SLX9: variants seen among roughly 807,000 people sequenced by gnomAD.
The protein encoded by SLX9 is SLX9 ribosome biogenesis factor, also known as ribosome biogenesis protein SLX9 homolog.
Under a neutral mutation model 20.8 loss-of-function variants are expected in SLX9, and 19 were observed. That is an observed-to-expected ratio of 0.91 (90% confidence interval 0.64 to 1.34). SLX9 has a LOEUF of 1.34. Ranked by LOEUF, SLX9 falls within the 40% of genes most tolerant of loss-of-function variation. The pLI, the probability that SLX9 is intolerant of heterozygous loss-of-function variation, is 0.00. For synonymous variants in SLX9, 113 were observed against 137.1 expected (o/e 0.82, Z 1.23); for missense variants, 299 against 322.2 (o/e 0.93, Z 0.55).
At chr21:44,968,137 G>A (rs1252087179) in intron 4 of SLX9, among the ~76,000 whole-genome samples, 1 of 151,958 alleles carries the variant, frequency 6.6e-6, no homozygotes, top group African/African-American at 2.4e-5. Context: ...CCGAGCATGA[G>A]CCCTCCTCCT....
chr21:44,972,403 C>T (rs747149182), intron 4 of SLX9, among the ~76,000 whole-genome samples: 11 of 152,108 alleles, frequency 7.2e-5, no homozygotes, highest in East Asian at 5.8e-4. Context: ...CTGGGGTGGA[C>T]GTCAGAGATG....
chr21:44,957,731 G>A (rs1225662136), intron 2 of SLX9, among the ~76,000 whole-genome samples: 1 of 152,236 alleles, frequency 6.6e-6, no homozygotes, highest in Non-Finnish European at 1.5e-5. Flanking sequence ...GTCTTGGGGG[G>A]GTCCTGTCTC....
intron 2 of SLX9, among the ~76,000 whole-genome samples, chr21:44,955,028 A>G (rs2084829219): frequency 6.6e-6 from 1 of 152,016 alleles, no homozygotes; most frequent in Non-Finnish European, 1.5e-5. Context: ...AGGCTGGCCA[A>G]CATCATGAAA....
chr21:44,976,217 G>A (rs911605883), intron 5 of SLX9, among the ~76,000 whole-genome samples: 2 of 152,366 alleles, frequency 1.3e-5, no homozygotes, highest in East Asian at 1.9e-4. Context: ...CTGGGTCGTC[G>A]CCGTGGCACC....
chr21:44,970,166 G>C (rs1239985743), intron 4 of SLX9, among the ~76,000 whole-genome samples: 5 of 152,202 alleles, frequency 3.3e-5, no homozygotes, highest in Admixed American at 3.3e-4. Flanking sequence ...GGTGGGGGTT[G>C]TGCTCTACCT....
chr21:44,976,391 G>A (rs939876338), intron 5 of SLX9, among the ~76,000 whole-genome samples: 5 of 152,208 alleles, frequency 3.3e-5, no homozygotes, highest in African/African-American at 9.6e-5. Context: ...TTGCCGCCGC[G>A]TTTCTCAGCC....
chr21:44,971,576 G>A (rs2085150435), intron 4 of SLX9, among the ~76,000 whole-genome samples: 1 of 152,206 alleles, frequency 6.6e-6, no homozygotes, highest in Admixed American at 6.5e-5. Flanking sequence ...ATCTCTTAAA[G>A]TGAGGGTGCA....
intron 4 of SLX9, among the ~76,000 whole-genome samples, chr21:44,970,596 G>A (rs1009572849): frequency 3.3e-5 from 5 of 152,330 alleles, no homozygotes; most frequent in Admixed American, 6.5e-5. Context: ...GCGGCGGGCC[G>A]TGTCTCTGGG....
At chr21:44,943,663 C>T (rs767748108) in intron 1 of SLX9, 21 bp from the exon 2 acceptor site, 30 of 1,610,694 alleles carry the variant, frequency 1.9e-5, no homozygotes, top group Admixed American at 8.3e-5. Flanking sequence ...TCTTTTCGTC[C>T]GTTTTTGTTG....
At chr21:44,974,515 G>C (rs1349163424) in intron 5 of SLX9, among the ~76,000 whole-genome samples, 3 of 152,156 alleles carry the variant, frequency 2.0e-5, no homozygotes, top group African/African-American at 7.2e-5. Flanking sequence ...GTAGGGTCTA[G>C]GTGAAGTATA....
At chr21:44,957,317 A>G (rs2084876472) in intron 2 of SLX9, among the ~76,000 whole-genome samples, 1 of 152,074 alleles carries the variant, frequency 6.6e-6, no homozygotes, top group African/African-American at 2.4e-5. Context: ...AGTGCCTCCC[A>G]CTGGGCCAGA....
At chr21:44,951,337 A>C (rs948067144) in intron 2 of SLX9, among the ~76,000 whole-genome samples, 1 of 152,122 alleles carries the variant, frequency 6.6e-6, no homozygotes, top group African/African-American at 2.4e-5. Context: ...GAAAGTGGGC[A>C]TGGATGGCCC....
chr21:44,958,714 G>T (rs898564969), intron 2 of SLX9, among the ~76,000 whole-genome samples: 1 of 152,344 alleles, frequency 6.6e-6, no homozygotes, highest in South Asian at 2.1e-4. Context: ...TGGGGCCGCC[G>T]CCAGCAGTTC....
Position 44,949,638 on chromosome 21 carries a change from C to T in SLX9, c.283+5801C>T, listed in dbSNP as rs1012218793. Reference sequence around the variant, plus strand: ...GCTGCTCCGGCAGCCACTCCTGCCGCTTCTGCCTGCGCCTTCCGGCTGTGT... The same window carrying T: ...GCTGCTCCGGCAGCCACTCCTGCCGTTTCTGCCTGCGCCTTCCGGCTGTGT... On this transcript the variant is annotated intron_variant, in intron 2 of 5. Transcript: ENST00000291634. 2.0e-5 allele frequency among the ~76,000 whole-genome samples: 3 copies of T among 152,214 alleles called. 1 individual carries two copies. Among genetic ancestry groups the T allele is most frequent in the Admixed American group, 1.3e-4 (2 of 15,294 alleles).
intron 4 of SLX9, chr21:44,972,959 G>GATCA (rs2085180725): frequency 1.7e-6 from 1 of 590,976 alleles, no homozygotes; most frequent in Non-Finnish European, 3.0e-6. Flanking sequence ...GTCACAGGAC[G>GATCA]GTCAGGCAGT....
chr21:44,939,963 C>T, upstream of SLX9: 4 of 1,296,114 alleles, frequency 3.1e-6, no homozygotes. Flanking sequence ...CCGCGGGGCT[C>T]CCGGCAGCCG....
intron 4 of SLX9, among the ~76,000 whole-genome samples, chr21:44,970,948 TG>T (rs1176968320): frequency 9.9e-5 from 15 of 152,034 alleles, no homozygotes; most frequent in Non-Finnish European, 1.8e-4. Flanking sequence ...CTCATGCCCC[TG>T]GGGTGCAGGA....
rs78564663 is a variant in SLX9 at position 44,960,820 on chromosome 21, T to G, written c.352+652T>G. On this transcript the variant is annotated intron_variant, in intron 3 of 5. Coordinates refer to ENST00000291634, the MANE Select transcript of SLX9 (RefSeq NM_058190.4). ...TGGAGTATCTCCTTATTTTTCGTGA[T>G]GCTGGATATTTGCCAGTGTTTTTCT... Among the ~76,000 whole-genome samples the G allele has an allele frequency of 3.0e-4, 45 of 152,376 alleles. 3 individuals are homozygous for G. The East Asian group carries it at 8.3e-3, about 28-fold the overall frequency.
chr21:44,956,797 G>A (rs1264394749), intron 2 of SLX9, among the ~76,000 whole-genome samples: 1 of 152,256 alleles, frequency 6.6e-6, no homozygotes, highest in Non-Finnish European at 1.5e-5. Flanking sequence ...TGCTGACCTG[G>A]TGAGGGCTGG....
Sources: allele counts gnomAD v4.1 joint callset (sites outside exome capture counted in the v4.1 genomes callset), GRCh38; gene constraint gnomAD v4.1.1; transcripts MANE v1.5; gene names NCBI Gene and HGNC (gene_info 2026-07-23, HGNC 2026-07-21).